Variants in ANK2 observed in about 807,000 individuals in gnomAD.
ANK2 encodes ankyrin 2.
A neutral mutation model predicts 360.5 loss-of-function variants in ANK2; 83 were observed. The ratio of observed to expected loss-of-function variants is 0.23; its 90% confidence interval spans 0.19 to 0.28. ANK2 has a LOEUF of 0.28. Among genes scored for constraint, ANK2 ranks in the 10% least tolerant of loss-of-function variants. ANK2 has a pLI of 1.00. For missense variants in ANK2, 4,201 were observed against 4,795.7 expected (o/e 0.88, Z 3.66); for synonymous variants, 1,740 against 1,759.5 (o/e 0.99, Z 0.28).
At chr4:113,364,994 G>C (rs2154052280) in intron 40 of ANK2, 45 bp from the exon 41 acceptor site, 1 of 1,612,082 alleles carries the variant, frequency 6.2e-7, no homozygotes, top group Non-Finnish European at 8.5e-7. Context: ...AGATTTTTAA[G>C]AGTACCTCTC....
At chr4:113,220,187 CGAGTT>C (rs2099134611) in intron 4 of ANK2, among the ~76,000 whole-genome samples, 1 of 152,156 alleles carries the variant, frequency 6.6e-6, no homozygotes, top group African/African-American at 2.4e-5. Flanking sequence ...AAAGAGAATT[CGAGTT>C]TGGTGGATTG....
intron 24 of ANK2, among the ~76,000 whole-genome samples, chr4:113,316,406 C>T (rs2082990811): frequency 6.6e-6 from 1 of 152,148 alleles, no homozygotes; most frequent in African/African-American, 2.4e-5. Flanking sequence ...ATGATTTCCT[C>T]AAAGACAATT....
chr4:112,973,420 A>G (rs1383966494), intron 2 of ANK2, among the ~76,000 whole-genome samples: 1 of 152,222 alleles, frequency 6.6e-6, no homozygotes, highest in Non-Finnish European at 1.5e-5. Context: ...GTATGTAGCA[A>G]ATGGCAGAGT....
intron 1 of ANK2, among the ~76,000 whole-genome samples, chr4:113,069,195 A>G (rs1223508427): frequency 6.6e-6 from 1 of 152,208 alleles, no homozygotes; most frequent in Non-Finnish European, 1.5e-5. Context: ...GCTGCTGGGC[A>G]GGTAATCAGT....
Position 113,089,589 on chromosome 4 carries a change from G to A in ANK2, c.84+39777G>A, listed in dbSNP as rs550727752. On this transcript the variant is annotated intron_variant, in intron 1 of 45. Transcript: ENST00000357077. The stretch of plus-strand genomic sequence containing the variant: ...TGCCTGTAATCCCAGCATTTGGGAG[G>A]CTGAGGCGGGTGGATCACCTGAAGT... 3.6e-4 allele frequency among the ~76,000 whole-genome samples: 55 copies of A among 152,346 alleles called. No individual in the cohort carries two copies. In the South Asian group the frequency reaches 0.011, roughly 30 times the overall value.
chr4:112,860,809 G>A (rs182576295), intron 1 of ANK2, among the ~76,000 whole-genome samples: 125 of 152,096 alleles, frequency 8.2e-4, no homozygotes, highest in Admixed American at 2.9e-3. Flanking sequence ...GGTGACTGGG[G>A]CTATTGTAAT....
intron 14 of ANK2, among the ~76,000 whole-genome samples, chr4:113,268,343 A>G (rs765241353): frequency 2.5e-4 from 38 of 152,306 alleles, no homozygotes; most frequent in Middle Eastern, 3.4e-3. Context: ...TTCAAAGGGA[A>G]TACTTTCAGC....
chr4:112,848,136 A>T (rs759622482), intron 1 of ANK2, among the ~76,000 whole-genome samples: 1 of 152,012 alleles, frequency 6.6e-6, no homozygotes, highest in Admixed American at 6.6e-5. Context: ...TAATTAATGT[A>T]TTTATTTGAG....
intron 1 of ANK2, among the ~76,000 whole-genome samples, chr4:113,118,737 C>T (rs1244797195): frequency 1.3e-5 from 2 of 152,166 alleles, no homozygotes; most frequent in Admixed American, 1.3e-4. Flanking sequence ...TGGAGGTCGA[C>T]TTCCTTCTTG....
At chr4:113,128,773 G>T (rs1354624385) in intron 1 of ANK2, among the ~76,000 whole-genome samples, 1 of 152,136 alleles carries the variant, frequency 6.6e-6, no homozygotes, top group African/African-American at 2.4e-5. Flanking sequence ...ACAGGCGTGA[G>T]CCACCGGAAC....
At chr4:112,783,353 T>C in the ANK2 span, among the ~76,000 whole-genome samples, 1 of 152,124 alleles carries the variant, frequency 6.6e-6, no homozygotes, top group Admixed American at 6.5e-5. Context: ...GAACATGAGA[T>C]TGGTGTTTTT....
chr4:112,736,476 A>G, the ANK2 span, among the ~76,000 whole-genome samples: 1 of 152,144 alleles, frequency 6.6e-6, no homozygotes, highest in African/African-American at 2.4e-5. Flanking sequence ...AAAAAAAAAA[A>G]AAAAATAGAA....
chr4:113,005,905 C>T (rs1257064178), intron 2 of ANK2, among the ~76,000 whole-genome samples: 1 of 152,118 alleles, frequency 6.6e-6, no homozygotes, highest in Non-Finnish European at 1.5e-5. Flanking sequence ...CTCTTGCTCC[C>T]TCTTTCGCTA....
At chr4:113,151,193 CCTT>C in intron 1 of ANK2, 1 of 1,197,810 alleles carries the variant, frequency 8.3e-7, no homozygotes, top group Non-Finnish European at 1.1e-6. Flanking sequence ...TTAATTATAA[CCTT>C]CTGCTCAAAA....
At position 113,174,495 on chromosome 4, in the gene ANK2, T is replaced by C. The variant is rs1554224165; in HGVS notation, c.164T>C (p.Ile55Thr). ...GTTGTGGAATATCTGAAGGGGGGCATAGACATCAATACCTGCAATCAGGTA... is the reference window on the plus strand; with the variant it reads ...GTTGTGGAATATCTGAAGGGGGGCACAGACATCAATACCTGCAATCAGGTA... ...DKVVEYLKGG[I>T]DINTCNQNGL... The change falls in exon 2 of 46, where the codon ATA (isoleucine) becomes ACA (threonine). Residue 55 changes from isoleucine to threonine, a missense_variant. This residue lies in a region of ANK2 where 169 missense variants were observed against 191.1 expected (regional missense o/e 0.88). Coordinates refer to ENST00000357077, the MANE Select transcript of ANK2 (RefSeq NM_001148.6). 6.2e-7 allele frequency: 1 copy of C among 1,612,248 alleles called. No homozygotes were observed. The highest frequency in any genetic ancestry group is 8.5e-7 in the Non-Finnish European group (1 of 1,178,886).
At chr4:112,725,664 A>G in the ANK2 span, among the ~76,000 whole-genome samples, 1 of 152,040 alleles carries the variant, frequency 6.6e-6, no homozygotes, top group African/African-American at 2.4e-5. Flanking sequence ...CTGGCCAAAG[A>G]CATTGTCCTA....
chr4:113,103,091 TA>T (rs140001322), intron 1 of ANK2, among the ~76,000 whole-genome samples: 16,520 of 152,218 alleles, frequency 0.11, 1,169 homozygotes, highest in Non-Finnish European at 0.16. Context: ...ATTTTAATTT[TA>T]AAATATTATC....
chr4:113,274,755 G>T, intron 15 of ANK2, 106 bp downstream of exon 15: 1 of 1,187,748 alleles, frequency 8.4e-7, no homozygotes, highest in South Asian at 1.3e-5. Flanking sequence ...CTCAGGCCTT[G>T]ACTTACTTCC....
chr4:112,884,271 G>A (rs2077633764), intron 1 of ANK2, among the ~76,000 whole-genome samples: 1 of 152,134 alleles, frequency 6.6e-6, no homozygotes, highest in Non-Finnish European at 1.5e-5. Context: ...AATAGATCAG[G>A]AGTTTGATTA....
Sources: gnomAD v4.1 joint callset for allele counts (sites outside exome capture counted in the v4.1 genomes callset) on GRCh38, gnomAD v4.1.1 for gene constraint, gnomAD v4.1.1 regional missense constraint, MANE v1.5 for transcripts, NCBI Gene and HGNC (gene_info 2026-07-23, HGNC 2026-07-21) for gene names.